ENPP4: variants seen among roughly 807,000 people sequenced by gnomAD.
ENPP4 encodes the protein ectonucleotide pyrophosphatase/phosphodiesterase 4.
Under a neutral mutation model 33.4 loss-of-function variants are expected in ENPP4, and 18 were observed. The observed-to-expected ratio is 0.54, with a 90% CI of 0.37 to 0.80. The LOEUF (loss-of-function observed/expected upper bound fraction) is 0.80. Among genes scored for constraint, ENPP4 ranks in the 30% least tolerant of loss-of-function variants. The pLI, the probability that ENPP4 is intolerant of heterozygous loss-of-function variation, is 0.00. For missense variants in ENPP4, 480 were observed against 541.7 expected (o/e 0.89, Z 1.13); for synonymous variants, 172 against 189.9 (o/e 0.91, Z 0.78).
At position 46,139,761 on chromosome 6, in the gene ENPP4, G is replaced by A; in HGVS notation, c.178G>A (p.Glu60Lys). ...QNFIKEGVLV[E>K]HVKNVFITKT... ...TTTTATCAAAGAAGGTGTTTTGGTA[G>A]AGCATGTTAAAAATGTTTTTATCAC... The change falls in exon 2 of 4, where the codon GAG (glutamate) becomes AAG (lysine). Residue 60 changes from glutamate (E) to lysine (K), a missense_variant. Transcript: ENST00000321037. 1 of 1,611,930 alleles carries A rather than the reference G, an allele frequency of 6.2e-7. No individual in the cohort carries two copies. The highest frequency in any genetic ancestry group is 1.1e-5 in the South Asian group (1 of 91,022).
intron 1 of ENPP4, among the ~76,000 whole-genome samples, chr6:46,139,141 T>C (rs1017817932): frequency 6.6e-6 from 1 of 151,828 alleles, no homozygotes; most frequent in Non-Finnish European, 1.5e-5. Context: ...TAAAGTACAA[T>C]TTATTAAACT....
intron 1 of ENPP4, among the ~76,000 whole-genome samples, chr6:46,132,823 A>G (rs1461285563): frequency 2.6e-5 from 4 of 151,672 alleles, no homozygotes; most frequent in Non-Finnish European, 5.9e-5. Context: ...ATCCTCTTTT[A>G]TTTCCTTGAG....
chr6:46,133,400 G>A (rs1055481410), intron 1 of ENPP4, among the ~76,000 whole-genome samples: 3 of 152,156 alleles, frequency 2.0e-5, no homozygotes, highest in Non-Finnish European at 4.4e-5. Context: ...TTTTAAAGGT[G>A]TATGAGAGTT....
intron 1 of ENPP4, among the ~76,000 whole-genome samples, chr6:46,136,326 GTGA>G (rs1763973885): frequency 6.6e-6 from 1 of 151,984 alleles, no homozygotes; most frequent in Admixed American, 6.6e-5. Context: ...TATGGAATTA[GTGA>G]TAGTAGATAT....
intron 1 of ENPP4, among the ~76,000 whole-genome samples, chr6:46,137,338 CTG>C (rs1472773848): frequency 1.3e-5 from 2 of 151,862 alleles, no homozygotes; most frequent in East Asian, 3.9e-4. Flanking sequence ...AAAGTCTACT[CTG>C]TGATTGGAAA....
intron 1 of ENPP4, among the ~76,000 whole-genome samples, 173 bp from the exon 2 acceptor site, chr6:46,139,378 A>ATT (rs61381984): frequency 2.0e-5 from 3 of 151,198 alleles, no homozygotes; most frequent in East Asian, 1.9e-4. Context: ...GGACAAGACA[A>ATT]TTTTTTTTCC....
At chr6:46,133,327 TATAAGA>T (rs1453222195) in intron 1 of ENPP4, among the ~76,000 whole-genome samples, 1 of 152,232 alleles carries the variant, frequency 6.6e-6, no homozygotes, top group Non-Finnish European at 1.5e-5. Context: ...TTCCTTAGAC[TATAAGA>T]AAGCAACTGA....
At position 46,143,267 on chromosome 6, in the gene ENPP4, C is replaced by T. The variant is rs1764094488; in HGVS notation, c.998-9C>T. ...TCTTATTGACTGATGTTGTTTTGTT[C>T]TTTTTCAGTAGGTGACCATGGTTAT... On this transcript the variant is annotated splice_polypyrimidine_tract_variant and intron_variant, in intron 3 of 3. Transcript: ENST00000321037. 2 of 1,551,428 alleles carry T rather than the reference C, an allele frequency of 1.3e-6. No individual in the cohort carries two copies. The highest frequency in any genetic ancestry group is 1.7e-4 in the Middle Eastern group (1 of 5,746).
In ENPP4 at chr6:46,143,466, A is replaced by G. The variant is rs779172532; in HGVS notation, c.1188A>G (p.Leu396=). Residue 396 remains leucine (L), a synonymous_variant, in exon 4 of 4, where the codon TTA becomes TTG. Transcript: ENST00000321037. ...NGTFGHTKCL[L]VDQWCINLPE... ...CCTTTGGTCATACTAAGTGCTTGTT[A>G]GTTGACCAGTGGTGCATTAATCTCC... 6.2e-7 allele frequency: 1 copy of G among 1,612,720 alleles called. No homozygotes were observed. Among genetic ancestry groups the G allele is most frequent in the Admixed American group, 1.7e-5 (1 of 59,896 alleles).
At chr6:46,138,879 G>A (rs1459578329) in intron 1 of ENPP4, among the ~76,000 whole-genome samples, 1 of 151,838 alleles carries the variant, frequency 6.6e-6, no homozygotes, top group Non-Finnish European at 1.5e-5. Flanking sequence ...GAGGGATGTG[G>A]TAATAAAACT....
intron 1 of ENPP4, among the ~76,000 whole-genome samples, chr6:46,132,456 G>A (rs1763914020): frequency 6.6e-6 from 1 of 152,178 alleles, no homozygotes; most frequent in Non-Finnish European, 1.5e-5. Flanking sequence ...TCAAAGATTA[G>A]ATAGTTGTAG....
At chr6:46,142,271 C>T (rs1764072682) in intron 3 of ENPP4, among the ~76,000 whole-genome samples, 1 of 28,034 alleles carries the variant, frequency 3.6e-5, no homozygotes, top group South Asian at 8.0e-4. Context: ...CATTTCTCCC[C>T]ATCCAATCTT....
At chr6:46,139,008 CTTTTT>C (rs1306492591) in intron 1 of ENPP4, among the ~76,000 whole-genome samples, 1 of 151,706 alleles carries the variant, frequency 6.6e-6, no homozygotes, top group East Asian at 1.9e-4. Context: ...CTGATGGGGG[CTTTTT>C]TCTCAATAGC....
intron 1 of ENPP4, among the ~76,000 whole-genome samples, chr6:46,138,161 T>G (rs1764002516): frequency 6.6e-6 from 1 of 151,854 alleles, no homozygotes; most frequent in Admixed American, 6.6e-5. Flanking sequence ...TACTCTTAAC[T>G]AATCTTCATT....
In ENPP4 at chr6:46,143,610, A is replaced by C. The variant is rs764978672; in HGVS notation, c.1332A>C (p.Gln444His). 5 of 1,611,654 alleles carry C rather than the reference A, an allele frequency of 3.1e-6. No individual in the cohort carries two copies. The highest frequency in any genetic ancestry group is 4.2e-6 in the Non-Finnish European group (5 of 1,178,370). The change falls in exon 4 of 4, where the codon CAA (glutamine) becomes CAC (histidine). Residue 444 changes from glutamine to histidine, a missense_variant. By Grantham distance (24) the Gln-to-His change is conservative. This residue lies in a region of ENPP4 where 249 missense variants were observed against 251.8 expected (regional missense o/e 0.99). Transcript: ENST00000321037. ...VPRPFSRLQL[Q>H]EDDDDPLIG ...GTCCATTTTCTCGACTTCAGCTACA[A>C]GAAGATGATGATGATCCTTTAATTG... is the stretch of plus-strand genomic sequence containing the variant.
intron 1 of ENPP4, among the ~76,000 whole-genome samples, chr6:46,136,030 T>G (rs545367293): frequency 1.3e-5 from 2 of 152,004 alleles, no homozygotes; most frequent in African/African-American, 4.8e-5. Context: ...AATAATACAT[T>G]ATGGTGTATG....
chr6:46,141,769 C>T (rs567858275), intron 3 of ENPP4, among the ~76,000 whole-genome samples: 8 of 151,766 alleles, frequency 5.3e-5, no homozygotes, highest in African/African-American at 1.9e-4. Flanking sequence ...TACAGGCTTG[C>T]CTCAAACTGA....
Position 46,145,146 on chromosome 6 carries a change from TATA to T in ENPP4, c.*1511_*1513del, listed in dbSNP as rs566731876. 188 of 380,390 alleles carry T rather than the reference TATA, an allele frequency of 4.9e-4. No individual in the cohort carries two copies. Among genetic ancestry groups the T allele is most frequent in the Non-Finnish European group, 8.0e-4 (172 of 214,402 alleles). 23.6% of individuals were successfully genotyped at this position (380,390 alleles called of 1,614,324 possible). A position where few individuals can be genotyped will look rare whatever the true frequency, so the allele number is the denominator to read the frequency against. On this transcript the variant is annotated 3_prime_UTR_variant, in exon 4 of 4. Transcript: ENST00000321037. ...GGTAACTGTTTTACAAATATAAAAG[TATA>T]ATAAATATGCAGCCCAGTTAAATAT...
chr6:46,139,209 A>C (rs748278651), intron 1 of ENPP4, among the ~76,000 whole-genome samples: 3 of 151,780 alleles, frequency 2.0e-5, no homozygotes, highest in Non-Finnish European at 3.0e-5. Context: ...GTTATGTTTT[A>C]CAAAAGAATC....
Sources: allele counts gnomAD v4.1 joint callset (sites outside exome capture counted in the v4.1 genomes callset), GRCh38; gene constraint gnomAD v4.1.1; regional missense constraint gnomAD v4.1.1; transcripts MANE v1.5; gene names NCBI Gene and HGNC (gene_info 2026-07-23, HGNC 2026-07-21).